SNCAIP: variants seen among roughly 807,000 people sequenced by gnomAD.
The protein encoded by SNCAIP is synphilin-1.
In SNCAIP, 43 loss-of-function variants were observed where a neutral mutation model predicts 86.7. The observed-to-expected ratio is 0.50, with a 90% CI of 0.39 to 0.64. SNCAIP has a LOEUF of 0.64. Ranked by LOEUF, SNCAIP falls within the 30% of genes least tolerant of loss-of-function variation. The probability of loss-of-function intolerance (pLI) is 0.00; values close to 1 mark genes in which losing one functional copy is unlikely to be tolerated. For synonymous variants in SNCAIP, 417 were observed against 427.2 expected, an observed-to-expected ratio of 0.98 and a Z score of 0.29; for missense variants, 981 against 1,103.1, an observed-to-expected ratio of 0.89 and a Z score of 1.57.
At chr5:122,388,667 TG>T (rs1381039285) in intron 1 of SNCAIP, 9 of 152,194 alleles carry the variant, frequency 5.9e-5, no homozygotes, top group African/African-American at 2.2e-4. Flanking sequence ...CACTCTTACC[TG>T]TAAAGAAGCA....
At position 122,451,781 on chromosome 5, in the gene SNCAIP, C is replaced by T. The variant is rs908125569; in HGVS notation, c.2754+180C>T. 5 of 584,496 alleles carry T rather than the reference C, an allele frequency of 8.6e-6. No homozygotes were observed. The East Asian group carries it at 1.4e-4, about 16-fold the overall frequency. 36.2% of individuals were successfully genotyped at this position (584,496 alleles called of 1,614,324 possible). Reference sequence around the variant, plus strand: ...GAGACATGTCATGTTAGATACATACCCCTTGCTCTTCTTTTGGAAAATACT... The same window carrying T: ...GAGACATGTCATGTTAGATACATACTCCTTGCTCTTCTTTTGGAAAATACT... On this transcript the variant is annotated intron_variant, in intron 10 of 10. Transcript: ENST00000261368.
At chr5:122,404,981 T>C (rs1772662911) in intron 3 of SNCAIP, among the ~76,000 whole-genome samples, 1 of 152,244 alleles carries the variant, frequency 6.6e-6, no homozygotes, top group Non-Finnish European at 1.5e-5. Flanking sequence ...AAGCTTTTAC[T>C]TACCTTCACT....
intron 6 of SNCAIP, 68 bp from the exon 7 acceptor site, chr5:122,440,561 T>C: frequency 6.8e-7 from 1 of 1,472,916 alleles, no homozygotes; most frequent in South Asian, 1.1e-5. Context: ...GGTATTGTTT[T>C]CCTCTGTCTT....
At chr5:122,426,957 G>A (rs899355552) in intron 5 of SNCAIP, among the ~76,000 whole-genome samples, 1 of 152,150 alleles carries the variant, frequency 6.6e-6, no homozygotes, top group African/African-American at 2.4e-5. Context: ...GATAAGACTG[G>A]TAAGTTATCA....
chr5:122,434,876 G>C (rs780285518), intron 6 of SNCAIP, among the ~76,000 whole-genome samples: 1 of 152,170 alleles, frequency 6.6e-6, no homozygotes, highest in South Asian at 2.1e-4. Flanking sequence ...GCAGGCATTT[G>C]AGTGTGTCCT....
rs941477084 is a variant in SNCAIP at position 122,455,625 on chromosome 5, G to A, written c.2754+4024G>A. 7.8e-4 allele frequency among the ~76,000 whole-genome samples: 119 copies of A among 152,184 alleles called. 2 individuals are homozygous for A. The highest frequency in any genetic ancestry group is 4.0e-4 in the Non-Finnish European group (27 of 68,012). On this transcript the variant is annotated intron_variant, in intron 10 of 10. Transcript: ENST00000261368. ...GGAAAAGAGTGAGGCGATGGATCCC[G>A]GTTCCAGGAATACATTGGAATTCCA...
At chr5:122,452,590 T>G (rs1038319693) in intron 10 of SNCAIP, among the ~76,000 whole-genome samples, 2 of 152,214 alleles carry the variant, frequency 1.3e-5, no homozygotes, top group African/African-American at 4.8e-5. Context: ...AAATTAAATA[T>G]CAAATTCCTC....
chr5:122,384,499 T>C (rs1357030765), intron 1 of SNCAIP, among the ~76,000 whole-genome samples: 4 of 152,208 alleles, frequency 2.6e-5, no homozygotes, highest in African/African-American at 9.6e-5. Flanking sequence ...TTGCGTGAAT[T>C]TGAGGCAATT....
intron 5 of SNCAIP, among the ~76,000 whole-genome samples, chr5:122,429,457 C>CAA (rs368162956): frequency 0.22 from 31,080 of 142,774 alleles, 3,739 homozygotes; most frequent in South Asian, 0.33. Context: ...GTAAACTGAC[C>CAA]AAAAAAAAAA....
chr5:122,314,216 T>G (rs75709484), intron 1 of SNCAIP, among the ~76,000 whole-genome samples: 8 of 152,336 alleles, frequency 5.3e-5, no homozygotes, highest in Non-Finnish European at 1.0e-4. Flanking sequence ...TAGCAGTACT[T>G]TACTGCTCTT....
chr5:122,356,852 C>T (rs1761112878), intron 1 of SNCAIP, among the ~76,000 whole-genome samples: 2 of 152,204 alleles, frequency 1.3e-5, no homozygotes, highest in Admixed American at 1.3e-4. Flanking sequence ...GACCGATGCA[C>T]CACCCTCCTA....
chr5:122,433,585 G>A (rs1778837620), intron 6 of SNCAIP, among the ~76,000 whole-genome samples: 1 of 152,126 alleles, frequency 6.6e-6, no homozygotes, highest in Non-Finnish European at 1.5e-5. Flanking sequence ...CCAAATTTAT[G>A]AAATGGAGAA....
chr5:122,396,233 C>A (rs1250466235), intron 2 of SNCAIP, among the ~76,000 whole-genome samples: 2 of 152,072 alleles, frequency 1.3e-5, no homozygotes, highest in East Asian at 1.9e-4. Context: ...TTTCTTAATA[C>A]CTGCCAGGAA....
intron 10 of SNCAIP, among the ~76,000 whole-genome samples, chr5:122,456,162 C>T (rs899666815): frequency 3.9e-5 from 6 of 152,168 alleles, no homozygotes; most frequent in Admixed American, 2.0e-4. Context: ...GGTTAGGAAA[C>T]GCCTAATCCT....
chr5:122,449,780 A>T, intron 8 of SNCAIP, 65 bp from the exon 9 acceptor site: 1 of 1,053,758 alleles, frequency 9.5e-7, no homozygotes, highest in Non-Finnish European at 1.5e-6. Flanking sequence ...GAAAAATATT[A>T]TACACCCTAA....
chr5:122,370,172 G>A (rs1006632650), intron 1 of SNCAIP, among the ~76,000 whole-genome samples: 13 of 151,702 alleles, frequency 8.6e-5, no homozygotes, highest in Admixed American at 6.6e-4. Flanking sequence ...AAAATATTAC[G>A]TTTCCAAAAT....
upstream of SNCAIP, chr5:122,312,117 G>A (rs1750686540): frequency 6.7e-6 from 1 of 148,522 alleles, no homozygotes; most frequent in Admixed American, 6.7e-5. Flanking sequence ...GGGGGGCCCG[G>A]GGAGCGGCGC....
At chr5:122,325,829 T>A (rs1397899706) in intron 1 of SNCAIP, among the ~76,000 whole-genome samples, 1 of 152,100 alleles carries the variant, frequency 6.6e-6, no homozygotes, top group Non-Finnish European at 1.5e-5. Flanking sequence ...CTTGCAAGTG[T>A]TAAAGATGGG....
chr5:122,448,662 T>TATATGTTATATATATTTTTATATATATA (rs1782945378), intron 8 of SNCAIP, among the ~76,000 whole-genome samples: 7 of 113,788 alleles, frequency 6.2e-5, no homozygotes, highest in Admixed American at 2.0e-4. Flanking sequence ...TTATATATAT[T>TATATGTTATATATATTTTTATATATATA]ATATATATTA....
Sources: gnomAD v4.1 joint callset for allele counts (sites outside exome capture counted in the v4.1 genomes callset) on GRCh38, gnomAD v4.1.1 for gene constraint, MANE v1.5 for transcripts, NCBI Gene and HGNC (gene_info 2026-07-23, HGNC 2026-07-21) for gene names.